SHANK2: variants seen among roughly 807,000 people sequenced by gnomAD.
SHANK2 encodes SH3 and multiple ankyrin repeat domains protein 2.
In SHANK2, 43 loss-of-function variants were observed where a neutral mutation model predicts 133.7. The observed-to-expected ratio is 0.32, with a 90% CI of 0.25 to 0.41. The LOEUF is 0.41. SHANK2 is among the 10% of genes least tolerant of loss of function. SHANK2 has a pLI of 1.00. For synonymous variants in SHANK2, 1,017 were observed against 952.8 expected (o/e 1.07, Z -1.24); for missense variants, 1,994 against 2,235.8 (o/e 0.89, Z 2.18).
At chr11:70,544,274 T>C (rs533989141) in intron 17 of SHANK2, among the ~76,000 whole-genome samples, 1 of 152,290 alleles carries the variant, frequency 6.6e-6, no homozygotes, top group Admixed American at 6.5e-5. Context: ...AGTGTCCTCA[T>C]CTGGAAAATG....
intron 17 of SHANK2, among the ~76,000 whole-genome samples, chr11:70,564,418 C>T (rs1372707564): frequency 6.6e-6 from 1 of 151,954 alleles, no homozygotes; most frequent in Non-Finnish European, 1.5e-5. Flanking sequence ...ACCACCATGC[C>T]CAGCCAACTT....
chr11:70,942,969 G>C (rs1950668748), intron 10 of SHANK2: 2 of 448,864 alleles, frequency 4.5e-6, no homozygotes, highest in Admixed American at 4.8e-5. Flanking sequence ...GCACTTTAAA[G>C]TTTAGCTTGG....
chr11:70,475,752 G>A (rs553809668), intron 25 of SHANK2, among the ~76,000 whole-genome samples: 2 of 152,358 alleles, frequency 1.3e-5, no homozygotes, highest in Admixed American at 6.5e-5. Context: ...CTATTTTCCA[G>A]AGGGCTGGGT....
intron 11 of SHANK2, among the ~76,000 whole-genome samples, chr11:70,842,762 G>A (rs984928572): frequency 7.2e-5 from 11 of 152,284 alleles, no homozygotes; most frequent in Non-Finnish European, 1.3e-4. Context: ...AGGCTCCCAG[G>A]GGGGTGGGAG....
chr11:70,940,185 T>TCCTG (rs1950624958), intron 10 of SHANK2, among the ~76,000 whole-genome samples: 13 of 113,098 alleles, frequency 1.1e-4, no homozygotes, highest in African/African-American at 4.1e-4. Context: ...CTTCCTTCCT[T>TCCTG]ACTTCCTTCC....
intron 1 of SHANK2, among the ~76,000 whole-genome samples, chr11:71,234,244 C>A (rs1456823732): frequency 7.0e-6 from 1 of 143,710 alleles, no homozygotes. Context: ...TGCCTGTAAT[C>A]CCAGCTACTC....
chr11:70,777,012 C>T (rs1342553460), intron 14 of SHANK2, among the ~76,000 whole-genome samples: 1 of 140,576 alleles, frequency 7.1e-6, no homozygotes, highest in Non-Finnish European at 1.6e-5. Context: ...CTCCAACCTA[C>T]CCACCTACCC....
rs781871525 is a variant in SHANK2 at position 70,934,324 on chromosome 11, C to G, written c.1108-37757G>C. Among the ~76,000 whole-genome samples, 55 of 151,978 alleles carry G rather than the reference C, an allele frequency of 3.6e-4. 1 individual carries two copies. Among genetic ancestry groups the G allele is most frequent in the Admixed American group, 3.2e-3 (49 of 15,268 alleles). On this transcript the variant is annotated intron_variant, in intron 10 of 25. Coordinates refer to ENST00000601538, the MANE Select transcript of SHANK2 (RefSeq NM_012309.5). ...CCAGGTAGTCACTTCCTGCCGCACA[C>G]TCAGGTTCCTCACCCCAGGTAATGG...
intron 17 of SHANK2, among the ~76,000 whole-genome samples, chr11:70,580,039 C>T (rs1182750244): frequency 2.0e-5 from 3 of 152,210 alleles, no homozygotes; most frequent in Non-Finnish European, 4.4e-5. Context: ...GGACTTCTGG[C>T]TTTCACAACG....
chr11:71,155,536 ACCACCAGCCC>A (rs1952892053), intron 2 of SHANK2, among the ~76,000 whole-genome samples: 1 of 152,094 alleles, frequency 6.6e-6, no homozygotes, highest in East Asian at 1.9e-4. Flanking sequence ...ACATGGAGAC[ACCACCAGCCC>A]CCAGTAACTG....
chr11:70,614,903 G>T (rs2060717844), intron 17 of SHANK2, among the ~76,000 whole-genome samples: 2 of 152,250 alleles, frequency 1.3e-5, no homozygotes, highest in African/African-American at 4.8e-5. Context: ...GAGGTTTCTG[G>T]AGAGGGAAGA....
In SHANK2 at chr11:70,473,763, C is replaced by G. The variant is rs373512646; in HGVS notation, c.4980-324G>C. 8.5e-5 allele frequency: 34 copies of G among 401,754 alleles called. No homozygotes were observed. Among genetic ancestry groups the G allele is most frequent in the African/African-American group, 6.3e-4 (31 of 48,954 alleles). 24.9% of individuals were successfully genotyped at this position (401,754 alleles called of 1,614,324 possible). On this transcript the variant is annotated intron_variant, in intron 25 of 25. Coordinates refer to ENST00000601538, the MANE Select transcript of SHANK2 (RefSeq NM_012309.5). The surrounding 1 kb of genome is among the most constrained non-coding windows in gnomAD (Gnocchi z 5.9). ...GAACTGGGACAGAGGGGCTGGGGGACCTGCCTGTGCTGGGGGGCAGGGCCG... is the reference window on the plus strand; with the variant it reads ...GAACTGGGACAGAGGGGCTGGGGGAGCTGCCTGTGCTGGGGGGCAGGGCCG...
At chr11:71,168,045 G>A (rs1310390494) in intron 2 of SHANK2, among the ~76,000 whole-genome samples, 1,423 of 139,232 alleles carry the variant, frequency 0.01, 28 homozygotes, top group Non-Finnish European at 0.016. Context: ...GCTGCCAGGC[G>A]GAGGGGCTCC....
At position 71,118,902 on chromosome 11, in the gene SHANK2, C is replaced by T; in HGVS notation, c.338G>A (p.Gly113Asp). ...GAGCCGCTCCTCATCCAGGAACTTG[C>T]CGTCACGCCCATTGCTGGCCGGCTG... ...LFQPASNGRDGKFLDEERLLR... is the reference protein window; with the variant it reads ...LFQPASNGRDDKFLDEERLLR... The change falls in exon 4 of 26, where the codon GGC becomes GAC. Residue 113 changes from glycine to aspartate, a missense_variant. By Grantham distance (94) the Gly-to-Asp change is moderately conservative (BLOSUM62 -1). Transcript: ENST00000601538. 6.4e-7 allele frequency: 1 copy of T among 1,551,768 alleles called. No individual in the cohort carries two copies. The highest frequency in any genetic ancestry group is 1.2e-5 in the South Asian group (1 of 84,064).
chr11:70,539,920 C>G (rs1554974868), intron 17 of SHANK2, among the ~76,000 whole-genome samples: 1 of 152,130 alleles, frequency 6.6e-6, no homozygotes, highest in Non-Finnish European at 1.5e-5. Context: ...CATTTTTGTG[C>G]CCCTGGTGGT....
chr11:70,808,525 G>C (rs554484573), intron 12 of SHANK2, among the ~76,000 whole-genome samples: 2 of 101,760 alleles, frequency 2.0e-5, no homozygotes, highest in Non-Finnish European at 3.7e-5. Context: ...TTTTAAAAAA[G>C]ACTAGCCTGG....
chr11:70,765,394 C>G (rs564010022), intron 14 of SHANK2, among the ~76,000 whole-genome samples: 101 of 152,290 alleles, frequency 6.6e-4, no homozygotes, highest in Admixed American at 1.4e-3. Context: ...ACTACTAAAA[C>G]AGCAGAATGC....
chr11:70,908,795 T>C (rs1555078469), intron 10 of SHANK2, among the ~76,000 whole-genome samples: 1 of 152,168 alleles, frequency 6.6e-6, no homozygotes. Context: ...CGTTTGAAAG[T>C]TTCTGACCTA....
intron 17 of SHANK2, among the ~76,000 whole-genome samples, chr11:70,504,382 A>ACAGGCCCAGTGCCTGGCTCCCCATAC (rs1554967918): frequency 7.8e-6 from 1 of 127,620 alleles, no homozygotes; most frequent in Non-Finnish European, 1.8e-5. Context: ...CAGGCCCAGG[A>ACAGGCCCAGTGCCTGGCTCCCCATAC]TGTGCCAGTT....
Sources: gnomAD v4.1 joint callset for allele counts (sites outside exome capture counted in the v4.1 genomes callset) on GRCh38, gnomAD v4.1.1 for gene constraint, Gnocchi (gnomAD v3.1) non-coding constraint, MANE v1.5 for transcripts, NCBI Gene and HGNC (gene_info 2026-07-23, HGNC 2026-07-21) for gene names.